Variants in KAZN observed in about 807,000 individuals in gnomAD.
The protein encoded by KAZN is kazrin, periplakin interacting protein, also known as kazrin.
KAZN carries 40 observed loss-of-function variants against 87.4 expected under a neutral mutation model. That is an observed-to-expected ratio of 0.46 (90% CI 0.36 to 0.60). The LOEUF is 0.60. Among genes scored for constraint, KAZN ranks in the 20% least tolerant of loss-of-function variants. The pLI, the probability that KAZN is intolerant of heterozygous loss-of-function variation, is 0.00. For missense variants in KAZN, 898 were observed against 1,073.9 expected (o/e 0.84, Z 2.29); for synonymous variants, 466 against 458.3 (o/e 1.02, Z -0.22).
chr1:14,725,157 A>G (rs78738592), intron 1 of KAZN, among the ~76,000 whole-genome samples: 6,901 of 152,282 alleles, frequency 0.045, 518 homozygotes, highest in African/African-American at 0.16. Flanking sequence ...TAACTAATAC[A>G]TATTCCCTCT....
At chr1:14,018,284 C>T (rs573507181) in intron 1 of KAZN, among the ~76,000 whole-genome samples, 5 of 152,158 alleles carry the variant, frequency 3.3e-5, no homozygotes, top group South Asian at 2.1e-4. Flanking sequence ...TGGCCCAATC[C>T]ACTGTGGGTA....
chr1:14,775,748 C>G (rs1029838087), intron 1 of KAZN, among the ~76,000 whole-genome samples: 13 of 152,334 alleles, frequency 8.5e-5, no homozygotes, highest in Non-Finnish European at 1.8e-4. Flanking sequence ...GAGAAAGGGG[C>G]AGGTGGGAAT....
At chr1:14,664,030 C>T (rs577423062) in intron 1 of KAZN, among the ~76,000 whole-genome samples, 5 of 152,324 alleles carry the variant, frequency 3.3e-5, no homozygotes, top group South Asian at 2.1e-4. Flanking sequence ...CCAGATGGGT[C>T]GACCTTAGGG....
chr1:14,938,284 G>A (rs901616347), intron 1 of KAZN, among the ~76,000 whole-genome samples: 1 of 152,218 alleles, frequency 6.6e-6, no homozygotes, highest in Non-Finnish European at 1.5e-5. Flanking sequence ...GCTCACGCCT[G>A]TAATCCCAAC....
At chr1:15,065,164 G>T (rs1436752740) in intron 7 of KAZN, among the ~76,000 whole-genome samples, 1 of 151,600 alleles carries the variant, frequency 6.6e-6, no homozygotes, top group African/African-American at 2.4e-5. Context: ...AAGTAGCTGG[G>T]ATGACAGGTG....
intron 1 of KAZN, among the ~76,000 whole-genome samples, chr1:14,905,102 A>C (rs1277046972): frequency 6.6e-6 from 1 of 152,126 alleles, no homozygotes. Flanking sequence ...TCCTTCGCCC[A>C]GGCTGGAGTG....
chr1:14,023,403 C>T (rs536738406), intron 1 of KAZN, among the ~76,000 whole-genome samples: 105 of 152,266 alleles, frequency 6.9e-4, no homozygotes, highest in African/African-American at 2.5e-3. Flanking sequence ...GTGCCTTATG[C>T]ATATTAATCA....
intron 2 of KAZN, among the ~76,000 whole-genome samples, chr1:14,292,564 C>T (rs1014803813): frequency 2.0e-5 from 3 of 152,134 alleles, no homozygotes; most frequent in East Asian, 1.9e-4. Context: ...AGTGCTGATG[C>T]GCCACCCCAC....
rs752269023 is a variant in KAZN, at chr1:13,941,333, A to G, written c.91+47577A>G. On this transcript the variant is annotated intron_variant, in intron 1 of 16. Transcript: ENST00000636203. ...TTCAAACAGTTCCCTTCCCTTTATC[A>G]AACATTTATTGAGAATCTACTATGT... Among the ~76,000 whole-genome samples the G allele has an allele frequency of 3.3e-5, 5 of 152,346 alleles. No individual in the cohort carries two copies. In the South Asian group the frequency reaches 1.0e-3, roughly 32 times the overall value.
chr1:14,353,739 G>C (rs1658757985), intron 2 of KAZN, among the ~76,000 whole-genome samples: 1 of 152,124 alleles, frequency 6.6e-6, no homozygotes, highest in Non-Finnish European at 1.5e-5. Context: ...AAGATGTCAA[G>C]ATCTTTCAAT....
intron 1 of KAZN, among the ~76,000 whole-genome samples, chr1:13,989,514 T>C (rs1273597233): frequency 2.0e-5 from 3 of 152,162 alleles, no homozygotes; most frequent in Non-Finnish European, 4.4e-5. Flanking sequence ...TACATAGACA[T>C]AGGCCAATGC....
chr1:14,968,681 G>T (rs536863753), intron 2 of KAZN, among the ~76,000 whole-genome samples: 1 of 152,202 alleles, frequency 6.6e-6, no homozygotes, highest in African/African-American at 2.4e-5. Flanking sequence ...GCAGAAGAAA[G>T]GATCCGGAGT....
In KAZN at chr1:14,030,089, G is replaced by C. The variant is rs535856388; in HGVS notation, c.91+136333G>C. On this transcript the variant is annotated intron_variant, in intron 1 of 16. Coordinates refer to the KAZN transcript ENST00000636203. ...GCAGTATGGCCATTTTCACGATATT[G>C]ATTCTTCCTACCCATGAGCATGGAA... is the stretch of plus-strand genomic sequence containing the variant. Among the ~76,000 whole-genome samples, 29 of 151,708 alleles carry C rather than the reference G, an allele frequency of 1.9e-4. No individual in the cohort carries two copies. The East Asian group carries it at 5.1e-3, about 27-fold the overall frequency.
chr1:14,456,860 A>T (rs4614253), intron 2 of KAZN, among the ~76,000 whole-genome samples: 58,516 of 151,934 alleles, frequency 0.39, 11,600 homozygotes, highest in Middle Eastern at 0.52. Context: ...CGGGTGGATC[A>T]CTTGAGGTCA....
At chr1:14,529,508 T>G (rs1202149924) in intron 2 of KAZN, among the ~76,000 whole-genome samples, 1 of 152,164 alleles carries the variant, frequency 6.6e-6, no homozygotes, top group African/African-American at 2.4e-5. Context: ...GTGCACTTTG[T>G]GTGAGAGAAG....
At chr1:14,845,651 G>A (rs949375520) in intron 1 of KAZN, among the ~76,000 whole-genome samples, 1 of 152,166 alleles carries the variant, frequency 6.6e-6, no homozygotes, top group African/African-American at 2.4e-5. Flanking sequence ...CTGGATTGTA[G>A]TTTCCCAGAT....
At chr1:14,873,176 A>G (rs981456855) in intron 1 of KAZN, among the ~76,000 whole-genome samples, 2 of 151,656 alleles carry the variant, frequency 1.3e-5, no homozygotes, top group Non-Finnish European at 2.9e-5. Flanking sequence ...AGATGAATGG[A>G]TGGGTGGATG....
At position 13,908,253 on chromosome 1, in the gene KAZN, G is replaced by C. The variant is rs549639984; in HGVS notation, c.91+14497G>C. ...GAGAAACAGGCAGCATCAACACATT[G>C]TCTTGTGGTTTAGAAAGACTCTCTT... On this transcript the variant is annotated intron_variant, in intron 1 of 16. Coordinates refer to the KAZN transcript ENST00000636203. Among the ~76,000 whole-genome samples the C allele has an allele frequency of 3.9e-5, 6 of 152,342 alleles. No individual in the cohort carries two copies. In the South Asian group the frequency reaches 1.2e-3, roughly 32 times the overall value.
At chr1:14,025,226 T>C (rs116787230) in intron 1 of KAZN, among the ~76,000 whole-genome samples, 3,095 of 152,118 alleles carry the variant, frequency 0.02, 100 homozygotes, top group African/African-American at 0.07. Flanking sequence ...ACCGCTAGAG[T>C]CTTACTGTTC....
Sources: allele counts gnomAD v4.1 joint callset (sites outside exome capture counted in the v4.1 genomes callset), GRCh38; gene constraint gnomAD v4.1.1; transcripts MANE v1.5; gene names NCBI Gene and HGNC (gene_info 2026-07-23, HGNC 2026-07-21).